The following NRG3 variants were observed in gnomAD, a reference collection of about 807,000 sequenced individuals.
NRG3 encodes the protein pro-neuregulin-3, membrane-bound isoform.
In NRG3, 31 loss-of-function variants were observed where a neutral mutation model predicts 66.9. The observed-to-expected ratio is 0.46, with a 90% CI of 0.35 to 0.63. The LOEUF is 0.63. Ranked by LOEUF, NRG3 falls within the 20% of genes least tolerant of loss-of-function variation. The pLI is 0.00. For synonymous variants in NRG3, 393 were observed against 359.4 expected, an observed-to-expected ratio of 1.09 and a Z score of -1.06; for missense variants, 910 against 878.9, an observed-to-expected ratio of 1.04 and a Z score of -0.45.
intron 2 of NRG3, among the ~76,000 whole-genome samples, chr10:82,595,414 C>G (rs1054056074): frequency 6.6e-6 from 1 of 152,170 alleles, no homozygotes; most frequent in Admixed American, 6.6e-5. Flanking sequence ...TCTTTTAGCT[C>G]TGACTGCTTT....
At chr10:82,626,193 C>G in intron 2 of NRG3, among the ~76,000 whole-genome samples, 1 of 152,156 alleles carries the variant, frequency 6.6e-6, no homozygotes, top group East Asian at 1.9e-4. Context: ...CAATGAGATC[C>G]TTGCACTTTT....
intron 1 of NRG3, among the ~76,000 whole-genome samples, chr10:82,082,764 A>G (rs977730958): frequency 2.0e-5 from 3 of 152,196 alleles, no homozygotes; most frequent in Non-Finnish European, 4.4e-5. Context: ...GAAAACCTCC[A>G]AAGATCCCTT....
chr10:82,014,113 G>A (rs1372095841), intron 1 of NRG3, among the ~76,000 whole-genome samples: 2 of 152,288 alleles, frequency 1.3e-5, no homozygotes, highest in African/African-American at 4.8e-5. Flanking sequence ...ATCCATCTTG[G>A]AATGTGGGAA....
At chr10:81,969,623 T>C (rs1564699601) in intron 1 of NRG3, among the ~76,000 whole-genome samples, 1 of 152,188 alleles carries the variant, frequency 6.6e-6, no homozygotes, top group Non-Finnish European at 1.5e-5. Flanking sequence ...TAAGTTACCT[T>C]TCCCGTCACC....
chr10:81,986,173 A>G (rs181891078), intron 1 of NRG3, among the ~76,000 whole-genome samples: 45 of 152,328 alleles, frequency 3.0e-4, no homozygotes, highest in African/African-American at 9.4e-4. Flanking sequence ...TATCATGAAT[A>G]AAAGTATTGA....
intron 4 of NRG3, among the ~76,000 whole-genome samples, chr10:82,874,914 T>C (rs1466938409): frequency 1.3e-5 from 2 of 152,220 alleles, no homozygotes; most frequent in East Asian, 1.9e-4. Flanking sequence ...GTTTTGAAGG[T>C]AATGTTTTCT....
chr10:82,787,525 A>T (rs2060419126), intron 3 of NRG3, among the ~76,000 whole-genome samples: 1 of 152,212 alleles, frequency 6.6e-6, no homozygotes, highest in African/African-American at 2.4e-5. Context: ...CATTTCAGGC[A>T]GTAGAAAGGT....
intron 2 of NRG3, among the ~76,000 whole-genome samples, chr10:82,589,886 T>A (rs1233179610): frequency 1.3e-5 from 2 of 152,184 alleles, no homozygotes. Flanking sequence ...GGATCAAATA[T>A]CTGTTCTGCA....
chr10:82,071,890 T>C (rs956897510), intron 1 of NRG3, among the ~76,000 whole-genome samples: 6 of 152,174 alleles, frequency 3.9e-5, no homozygotes, highest in African/African-American at 1.4e-4. Context: ...CTTGAAAATT[T>C]TATATTGTTT....
In NRG3 at chr10:82,349,807, G is replaced by A. The variant is rs367949533; in HGVS notation, c.824-8932G>A. 5.9e-3 allele frequency among the ~76,000 whole-genome samples: 891 copies of A among 152,300 alleles called. 11 individuals are homozygous for A. The highest frequency in any genetic ancestry group is 0.017 in the African/African-American group (701 of 41,588). ...AGCCAGTCGGAAAAGCGCAGTATTC[G>A]GGTGGGAGTGACCCGATTTTCCAGG... On this transcript the variant is annotated intron_variant, in intron 1 of 8. Coordinates refer to ENST00000372141, the MANE Select transcript of NRG3 (RefSeq NM_001010848.4).
intron 1 of NRG3, among the ~76,000 whole-genome samples, chr10:82,357,809 T>C (rs2083879484): frequency 6.6e-6 from 1 of 152,228 alleles, no homozygotes; most frequent in South Asian, 2.1e-4. Context: ...GTTAATAAGC[T>C]GGTATAATAT....
intron 3 of NRG3, among the ~76,000 whole-genome samples, chr10:82,773,655 T>G (rs939884084): frequency 3.3e-5 from 5 of 152,126 alleles, no homozygotes; most frequent in Admixed American, 1.3e-4. Flanking sequence ...CCAATTTGGA[T>G]GCTTATTGTT....
intron 1 of NRG3, among the ~76,000 whole-genome samples, chr10:82,231,479 GAA>G (rs561898395): frequency 4.1e-5 from 6 of 146,344 alleles, no homozygotes; most frequent in African/African-American, 1.0e-4. Context: ...GTGAAATATT[GAA>G]AAAAAAAACC....
Position 82,951,487 on chromosome 10 carries a change from A to G in NRG3, c.1073A>G (p.Gln358Arg), listed in dbSNP as rs1362385290. The change falls in exon 5 of 9, where the codon CAA becomes CGA. Residue 358 changes from glutamine (Q) to arginine (R), a missense_variant. Gln to Arg is a conservative substitution (Grantham distance 43, BLOSUM62 1). Coordinates refer to ENST00000372141, the MANE Select transcript of NRG3 (RefSeq NM_001010848.4). ...TTCACAGAGAGTGAAGAAGTTTATCAAAGGCAGGTGCTGTCAATTTCATGT... is the reference window on the plus strand; with the variant it reads ...TTCACAGAGAGTGAAGAAGTTTATCGAAGGCAGGTGCTGTCAATTTCATGT... ...IEFMESEEVYQRQVLSISCII... is the reference protein window; with the variant it reads ...IEFMESEEVYRRQVLSISCII... 2 of 1,613,896 alleles carry G rather than the reference A, an allele frequency of 1.2e-6. No homozygotes were observed. The highest frequency in any genetic ancestry group is 2.2e-5 in the South Asian group (2 of 91,078).
At chr10:82,467,324 G>A (rs2132022274) in intron 2 of NRG3, among the ~76,000 whole-genome samples, 1 of 152,302 alleles carries the variant, frequency 6.6e-6, no homozygotes, top group East Asian at 1.9e-4. Context: ...AAAGGTAGCA[G>A]GCTCTGGGCT....
chr10:81,959,482 A>G (rs1850149809), intron 1 of NRG3, among the ~76,000 whole-genome samples: 2 of 152,232 alleles, frequency 1.3e-5, no homozygotes, highest in Non-Finnish European at 1.5e-5. Context: ...AATCTATACT[A>G]TATTTGCTGG....
At chr10:82,410,801 A>G (rs1021059611) in intron 2 of NRG3, among the ~76,000 whole-genome samples, 3 of 152,130 alleles carry the variant, frequency 2.0e-5, no homozygotes, top group African/African-American at 7.2e-5. Context: ...CAATTCCAAA[A>G]TTAATATTCT....
intron 1 of NRG3, among the ~76,000 whole-genome samples, chr10:82,186,893 C>T (rs1191377983): frequency 6.6e-6 from 1 of 152,100 alleles, no homozygotes; most frequent in East Asian, 1.9e-4. Flanking sequence ...AGCTGTAACA[C>T]AGGGAATCCC....
At chr10:82,001,530 G>A (rs1298969662) in intron 1 of NRG3, among the ~76,000 whole-genome samples, 1 of 151,736 alleles carries the variant, frequency 6.6e-6, no homozygotes, top group Non-Finnish European at 1.5e-5. Context: ...GAAAAAAGGG[G>A]AAACGAGGAA....
Sources: gnomAD v4.1 joint callset for allele counts (sites outside exome capture counted in the v4.1 genomes callset) on GRCh38, gnomAD v4.1.1 for gene constraint, MANE v1.5 for transcripts, NCBI Gene and HGNC (gene_info 2026-07-23, HGNC 2026-07-21) for gene names.